LPAR6: variants seen among roughly 807,000 people sequenced by gnomAD.
LPAR6 encodes lysophosphatidic acid receptor 6.
LPAR6 carries 17 observed loss-of-function variants against 22.0 expected under a neutral mutation model. The ratio of observed to expected loss-of-function variants is 0.77; its 90% CI spans 0.53 to 1.16. LPAR6 has a LOEUF of 1.16. Among genes scored for constraint, LPAR6 ranks in the 50% most tolerant of loss-of-function variants. The pLI is 0.00. For missense variants in LPAR6, 384 were observed against 406.9 expected (o/e 0.94, Z 0.48); for synonymous variants, 136 against 139.8 (o/e 0.97, Z 0.19).
At chr13:48,407,265 T>G (rs1420430912), downstream of LPAR6, among the ~76,000 whole-genome samples, 1 of 152,254 alleles carries the variant, frequency 6.6e-6, no homozygotes, top group Admixed American at 6.5e-5. Flanking sequence ...GGGCTCTATC[T>G]TTTGAATTCT....
At chr13:48,414,773 A>G (rs1216453720), upstream of LPAR6, among the ~76,000 whole-genome samples, 1 of 152,228 alleles carries the variant, frequency 6.6e-6, no homozygotes, top group Non-Finnish European at 1.5e-5. Context: ...TTCATCTATT[A>G]TCAAATGACA....
At chr13:48,429,601 A>C (rs1949109590), upstream of LPAR6, 1 of 152,112 alleles carries the variant, frequency 6.6e-6, no homozygotes, top group Non-Finnish European at 1.5e-5. Context: ...AAAAAAAAAC[A>C]AAAAACCTTG....
chr13:48,422,946 G>C (rs1453563980), intron 1 of LPAR6, among the ~76,000 whole-genome samples: 3 of 152,072 alleles, frequency 2.0e-5, no homozygotes, highest in Non-Finnish European at 2.9e-5. Context: ...TTCAAGACCA[G>C]CCTAGGCAAC....
At chr13:48,405,865 T>G (rs1948735272) in intron 1 of LPAR6, among the ~76,000 whole-genome samples, 1 of 152,248 alleles carries the variant, frequency 6.6e-6, no homozygotes, top group Non-Finnish European at 1.5e-5. Flanking sequence ...TATTTTGCCT[T>G]TTTCTTATAC....
intron 1 of LPAR6, chr13:48,422,848 T>G (rs917282713): frequency 3.9e-5 from 6 of 152,200 alleles, no homozygotes; most frequent in African/African-American, 1.4e-4. Flanking sequence ...ATTCAAAATA[T>G]AGTGAATCTT....
intron 1 of LPAR6, among the ~76,000 whole-genome samples, chr13:48,440,854 A>G (rs1949229962): frequency 6.6e-6 from 1 of 152,236 alleles, no homozygotes; most frequent in African/African-American, 2.4e-5. Context: ...AGAGAAAACA[A>G]TTTTAAAATT....
chr13:48,443,624 A>G (rs1173007176), intron 1 of LPAR6, among the ~76,000 whole-genome samples: 2 of 152,210 alleles, frequency 1.3e-5, no homozygotes, highest in Non-Finnish European at 2.9e-5. Flanking sequence ...TAAAAGACAC[A>G]TCATTCTATT....
intron 1 of LPAR6, chr13:48,391,361 CAA>C (rs1948609274): frequency 6.6e-6 from 1 of 152,102 alleles, no homozygotes; most frequent in Non-Finnish European, 1.5e-5. Context: ...GAATTCAAAA[CAA>C]GAGAAAAAAG....
At chr13:48,400,781 G>C (rs903867120) in intron 1 of LPAR6, among the ~76,000 whole-genome samples, 2 of 152,130 alleles carry the variant, frequency 1.3e-5, no homozygotes, top group Non-Finnish European at 2.9e-5. Context: ...TATGAGAATA[G>C]TAATTAGAAA....
chr13:48,422,489 A>G (rs982037866), intron 2 of LPAR6, among the ~76,000 whole-genome samples: 2 of 152,202 alleles, frequency 1.3e-5, no homozygotes, highest in Admixed American at 6.5e-5. Flanking sequence ...CGTTCTGCAC[A>G]TGTATCCCAA....
In LPAR6 at chr13:48,412,863, CTTAAG is replaced by C. The variant is rs951125360; in HGVS notation, c.-445_-441del. 27 of 188,004 alleles carry C rather than the reference CTTAAG, an allele frequency of 1.4e-4. No homozygotes were observed. The highest frequency in any genetic ancestry group is 1.4e-3 in the Admixed American group (24 of 17,322). The allele number at this position is 188,004 out of a possible 1,614,324, so 11.6% of individuals were successfully genotyped here. A position where few individuals can be genotyped will look rare whatever the true frequency, so the allele number is the denominator to read the frequency against. ...TTTCTTTATGCCTCAGAATGTTAAG[CTTAAG>C]TTATCAATCTTATTTTCTTTTCAGT... On this transcript the variant is annotated 5_prime_UTR_variant, in exon 1 of 1. An upstream open reading frame in the 5' UTR loses its in-frame stop. Transcript: ENST00000620633.
downstream of LPAR6, among the ~76,000 whole-genome samples, chr13:48,409,292 C>G (rs769040978): frequency 1.3e-5 from 2 of 151,348 alleles, no homozygotes; most frequent in Admixed American, 1.3e-4. Flanking sequence ...CTAAAGGAAA[C>G]CATGGATCCC....
At chr13:48,424,687 C>T (rs1949054460) in intron 1 of LPAR6, among the ~76,000 whole-genome samples, 1 of 152,164 alleles carries the variant, frequency 6.6e-6, no homozygotes, top group African/African-American at 2.4e-5. Context: ...TCCTTAATCT[C>T]ATCAGTTCCT....
Position 48,439,093 on chromosome 13 carries a change from G to GTATGGGAAC in LPAR6, c.-1474+5459_-1474+5460insGTTCCCATA, listed in dbSNP as rs1593517642. 7.2e-5 allele frequency among the ~76,000 whole-genome samples: 11 copies of GTATGGGAAC among 152,238 alleles called. 1 individual carries two copies. The East Asian group carries it at 2.1e-3, about 29-fold the overall frequency. Reference sequence around the variant, plus strand: ...TGAAAGAGGCAGTAAGCAAAGGAACGTGACTCCCATACTAGTATAGCAGCT... The same window carrying GTATGGGAAC: ...TGAAAGAGGCAGTAAGCAAAGGAACGTATGGGAACTGACTCCCATACTAGTATAGCAGCT... On this transcript the variant is annotated intron_variant, in intron 1 of 6. Transcript: ENST00000378434.
chr13:48,394,174 A>G (rs1167839457), intron 1 of LPAR6, among the ~76,000 whole-genome samples: 2 of 152,160 alleles, frequency 1.3e-5, no homozygotes, highest in Non-Finnish European at 2.9e-5. Context: ...CCCCTAGCCA[A>G]GGGAAGCTGT....
chr13:48,444,228 T>G (rs755402271), intron 1 of LPAR6, among the ~76,000 whole-genome samples: 3 of 151,926 alleles, frequency 2.0e-5, no homozygotes, highest in Non-Finnish European at 4.4e-5. Flanking sequence ...CTCACAAAAC[T>G]CAAGGATACT....
chr13:48,430,056 C>G (rs1442192430), upstream of LPAR6, among the ~76,000 whole-genome samples: 1 of 152,170 alleles, frequency 6.6e-6, no homozygotes, highest in African/African-American at 2.4e-5. Flanking sequence ...GTTATATCAC[C>G]TAGCAGTTTC....
chr13:48,417,955 C>A (rs1219044853), upstream of LPAR6, among the ~76,000 whole-genome samples: 3 of 152,240 alleles, frequency 2.0e-5, no homozygotes, highest in African/African-American at 7.2e-5. Flanking sequence ...GGAAAACACT[C>A]TTCAGGATAT....
At chr13:48,418,215 G>A (rs1397312051) in intron 2 of LPAR6, among the ~76,000 whole-genome samples, 3 of 150,598 alleles carry the variant, frequency 2.0e-5, no homozygotes, top group African/African-American at 7.3e-5. Context: ...GAAAAGAGTG[G>A]GGGCCAATAT....
Sources: allele counts gnomAD v4.1 joint callset (sites outside exome capture counted in the v4.1 genomes callset), GRCh38; gene constraint gnomAD v4.1.1; transcripts MANE v1.5; gene names NCBI Gene and HGNC (gene_info 2026-07-23, HGNC 2026-07-21).